Variants in ANO6 observed in about 807,000 individuals in gnomAD.
The protein encoded by ANO6 is anoctamin-6.
In ANO6, 106 loss-of-function variants were observed where a neutral mutation model predicts 117.5. The observed-to-expected ratio is 0.90, with a 90% CI of 0.77 to 1.06. The LOEUF is 1.06. ANO6 is among the 50% of genes least tolerant of loss of function. The pLI is 0.00. For synonymous variants in ANO6, 367 were observed against 385.1 expected (o/e 0.95, Z 0.55); for missense variants, 955 against 1,121.1 (o/e 0.85, Z 2.12).
chr12:45,239,164 C>G (rs560567504), intron 1 of ANO6, among the ~76,000 whole-genome samples: 16 of 152,308 alleles, frequency 1.1e-4, no homozygotes, highest in Non-Finnish European at 2.2e-4. Context: ...GTGAATCCAT[C>G]TGGTCCTGGA....
At chr12:45,398,643 C>A (rs1383976636) in intron 12 of ANO6, among the ~76,000 whole-genome samples, 2 of 151,924 alleles carry the variant, frequency 1.3e-5, no homozygotes, top group African/African-American at 4.8e-5. Flanking sequence ...ATATATCAAC[C>A]AAAATATTCT....
intron 2 of ANO6, among the ~76,000 whole-genome samples, chr12:45,317,701 A>T (rs1940098667): frequency 6.6e-6 from 1 of 152,060 alleles, no homozygotes; most frequent in Non-Finnish European, 1.5e-5. Flanking sequence ...CGCCACACTG[A>T]CTTCCACAAT....
rs150230420 is a variant in ANO6 at position 45,249,667 on chromosome 12, A to G, written c.70+33276A>G. 8.0e-4 allele frequency among the ~76,000 whole-genome samples: 122 copies of G among 152,320 alleles called. 1 individual carries two copies. Among genetic ancestry groups the G allele is most frequent in the African/African-American group, 2.8e-3 (117 of 41,572 alleles). On this transcript the variant is annotated intron_variant, in intron 1 of 19. Coordinates refer to ENST00000320560, the MANE Select transcript of ANO6 (RefSeq NM_001025356.3). ...CATCAGATAGTAGAGCTGATTTTCA[A>G]AAATCTTTAATATTTCATGTAAATT...
chr12:45,233,408 G>C (rs1434521946), intron 1 of ANO6, among the ~76,000 whole-genome samples: 1 of 152,126 alleles, frequency 6.6e-6, no homozygotes, highest in Non-Finnish European at 1.5e-5. Flanking sequence ...CTGTTAAACA[G>C]TCCTGTGACT....
intron 1 of ANO6, among the ~76,000 whole-genome samples, chr12:45,287,645 G>A (rs1054140419): frequency 1.1e-4 from 17 of 152,120 alleles, no homozygotes; most frequent in African/African-American, 4.1e-4. Flanking sequence ...AAGGAGTCAG[G>A]GATGACGTCA....
chr12:45,376,982 T>C (rs189584850), intron 9 of ANO6, among the ~76,000 whole-genome samples: 23 of 152,242 alleles, frequency 1.5e-4, no homozygotes, highest in Admixed American at 4.6e-4. Flanking sequence ...GAAAATTAGA[T>C]GGATGAGAAT....
intron 1 of ANO6, 114 bp downstream of exon 1, chr12:45,216,505 G>C (rs991058916): frequency 1.7e-6 from 2 of 1,195,670 alleles, no homozygotes; most frequent in South Asian, 1.4e-5. Context: ...CGAGACGCTC[G>C]GCCGCTCCGG....
intron 1 of ANO6, among the ~76,000 whole-genome samples, chr12:45,291,346 CAAAAAAAAAAAA>C (rs747924513): frequency 8.3e-5 from 4 of 48,240 alleles, no homozygotes; most frequent in Non-Finnish European, 1.6e-4. Context: ...AACTCCGTCT[CAAAAAAAAAAAA>C]AAAAAAAAAA....
intron 16 of ANO6, among the ~76,000 whole-genome samples, chr12:45,414,573 A>T (rs1441376597): frequency 6.6e-6 from 1 of 152,154 alleles, no homozygotes; most frequent in African/African-American, 2.4e-5. Context: ...ACCCTGGTTA[A>T]TTCATACTAT....
rs947370862 is a variant in ANO6, at chr12:45,236,858, A to G, written c.70+20467A>G. On this transcript the variant is annotated intron_variant, in intron 1 of 19. Transcript: ENST00000320560. ...TCACTCCCACCAACAGTGTAAAAGT[A>G]TTCCTATTTCTCCATATCCTCTCCA... Among the ~76,000 whole-genome samples the G allele has an allele frequency of 2.8e-4, 42 of 152,274 alleles. 1 individual carries two copies. The highest frequency in any genetic ancestry group is 2.5e-3 in the Admixed American group (39 of 15,300).
chr12:45,423,282 G>T (rs986009272), intron 19 of ANO6, among the ~76,000 whole-genome samples: 3 of 152,160 alleles, frequency 2.0e-5, no homozygotes, highest in African/African-American at 7.2e-5. Flanking sequence ...GCGCAAAGGG[G>T]ATTCAATTTC....
intron 2 of ANO6, among the ~76,000 whole-genome samples, chr12:45,320,438 T>A (rs1359391392): frequency 3.9e-5 from 6 of 152,130 alleles, no homozygotes; most frequent in South Asian, 2.1e-4. Flanking sequence ...TTTGAGTGAG[T>A]TTCTTAATCC....
Position 45,343,308 on chromosome 12 carries a change from A to G in ANO6, c.280-3714A>G, listed in dbSNP as rs139415184. Among the ~76,000 whole-genome samples the G allele has an allele frequency of 5.9e-3, 895 of 152,294 alleles. 9 individuals are homozygous for G. The highest frequency in any genetic ancestry group is 0.02 in the African/African-American group (831 of 41,562). ...TGATTCTCCTACTCTTCTAATGAAG[A>G]CATTTGTCTCCAAGAGCTAAAATTC... On this transcript the variant is annotated intron_variant, in intron 3 of 19. Coordinates refer to ENST00000320560, the MANE Select transcript of ANO6 (RefSeq NM_001025356.3).
chr12:45,276,266 A>T (rs1435775925), intron 1 of ANO6, among the ~76,000 whole-genome samples: 1 of 152,066 alleles, frequency 6.6e-6, no homozygotes, highest in Non-Finnish European at 1.5e-5. Context: ...CGTCACCTGG[A>T]CTTCAACATT....
intron 3 of ANO6, among the ~76,000 whole-genome samples, chr12:45,333,307 A>C (rs1456296840): frequency 6.6e-6 from 1 of 152,050 alleles, no homozygotes; most frequent in East Asian, 1.9e-4. Flanking sequence ...AAAGTAAAAC[A>C]GCTTAGGGTA....
rs780733689 is a variant in ANO6 at position 45,367,714 on chromosome 12, G to A, written c.1025G>A (p.Gly342Asp). The change falls in exon 9 of 20, where the codon GGT becomes GAT. Residue 342 changes from glycine (G) to aspartate (D), a missense_variant. By Grantham distance (94) the Gly-to-Asp change is moderately conservative (BLOSUM62 -1). Coordinates refer to ENST00000320560, the MANE Select transcript of ANO6 (RefSeq NM_001025356.3). ...WSKEVCHPDIGGKIIMCPQCD... is the reference protein window; with the variant it reads ...WSKEVCHPDIDGKIIMCPQCD... ...AAAGAAGTTTGTCATCCTGATATTGGTGGCAAGATCATAATGTGTCCTCAG... is the reference window on the plus strand; with the variant it reads ...AAAGAAGTTTGTCATCCTGATATTGATGGCAAGATCATAATGTGTCCTCAG... The A allele has an allele frequency of 1.3e-5, 21 of 1,613,018 alleles. 1 individual carries two copies. In the South Asian group the frequency reaches 2.3e-4, roughly 18 times the overall value.
chr12:45,270,430 G>A lies in ANO6; in HGVS notation c.71-31584G>A, dbSNP rs10748415. On this transcript the variant is annotated intron_variant, in intron 1 of 19. Coordinates refer to ENST00000320560, the MANE Select transcript of ANO6 (RefSeq NM_001025356.3). ...CTAACACCATCCCTTATATTGGCCT[G>A]TTGTATTTATTGATGCCTCCTCATC... 1,516,529 of 1,521,024 alleles carry A rather than the reference G, an allele frequency of 1. 756,153 individuals are homozygous for A. Among genetic ancestry groups the A allele is most frequent in the South Asian group, 1 (81,102 of 81,106 alleles). The allele number at this position is 1,521,024 out of a possible 1,614,324, so 94.2% of individuals were successfully genotyped here.
chr12:45,258,860 TTA>T (rs1263546879), intron 1 of ANO6, among the ~76,000 whole-genome samples: 1 of 152,202 alleles, frequency 6.6e-6, no homozygotes, highest in Non-Finnish European at 1.5e-5. Context: ...GATTGTTAAG[TTA>T]TAGTCCATGC....
intron 2 of ANO6, among the ~76,000 whole-genome samples, chr12:45,317,113 G>GTGTGTATATATATATATA: frequency 3.0e-5 from 2 of 66,490 alleles, no homozygotes; most frequent in East Asian, 4.1e-4. Context: ...CTTTTTATAT[G>GTGTGTATATATATATATA]TATATATATA....
Sources: allele counts gnomAD v4.1 joint callset (sites outside exome capture counted in the v4.1 genomes callset), GRCh38; gene constraint gnomAD v4.1.1; transcripts MANE v1.5; gene names NCBI Gene and HGNC (gene_info 2026-07-23, HGNC 2026-07-21).